The following BTBD9 variants were observed in gnomAD, a reference collection of about 807,000 sequenced individuals.
The protein encoded by BTBD9 is BTB domain containing 9.
BTBD9 carries 49 observed loss-of-function variants against 64.3 expected under a neutral mutation model. The observed-to-expected ratio is 0.76, with a 90% CI of 0.61 to 0.97. The LOEUF (loss-of-function observed/expected upper bound fraction) is 0.97, where lower values mean the gene tolerates loss of function less well. Among genes scored for constraint, BTBD9 ranks in the 50% least tolerant of loss-of-function variants. BTBD9 has a pLI of 0.00. For synonymous variants in BTBD9, 260 were observed against 274.7 expected (o/e 0.95, Z 0.53); for missense variants, 598 against 762.1 (o/e 0.78, Z 2.53).
intron 9 of BTBD9, among the ~76,000 whole-genome samples, chr6:38,235,259 C>T (rs142447987): frequency 4.6e-5 from 7 of 152,302 alleles, no homozygotes; most frequent in African/African-American, 1.2e-4. Flanking sequence ...GGTCTGCATA[C>T]GTTTCCTGCA....
rs1226708846 is a variant in BTBD9 at position 38,173,388 on chromosome 6, G to A, written c.*1597C>T. The A allele has an allele frequency of 6.6e-6, 1 of 152,252 alleles. No homozygotes were observed. Among genetic ancestry groups the A allele is most frequent in the Non-Finnish European group, 1.5e-5 (1 of 68,070 alleles). The allele number at this position is 152,252 out of a possible 1,614,324, so 9.4% of individuals were successfully genotyped here. On this transcript the variant is annotated 3_prime_UTR_variant, in exon 11 of 11. Coordinates refer to ENST00000481247, the MANE Select transcript of BTBD9 (RefSeq NM_001099272.2). ...TAGGAAGCAGCTCAGCCCTGCAGCT[G>A]GAGCTACCGGGGAGGATGGAGAGCT...
chr6:38,399,771 GAC>G (rs1766843586), intron 6 of BTBD9, among the ~76,000 whole-genome samples: 1 of 151,868 alleles, frequency 6.6e-6, no homozygotes, highest in African/African-American at 2.4e-5. Context: ...TTTTTCTTGA[GAC>G]AGAATTTCAC....
chr6:38,554,274 C>G (rs1439223599), intron 6 of BTBD9, among the ~76,000 whole-genome samples: 1 of 152,162 alleles, frequency 6.6e-6, no homozygotes, highest in Non-Finnish European at 1.5e-5. Flanking sequence ...CTATAGACAG[C>G]CACACAAATC....
At chr6:38,577,860 A>C (rs1488172455) in intron 5 of BTBD9, 141 bp from the exon 6 acceptor site, 4 of 776,508 alleles carry the variant, frequency 5.2e-6, no homozygotes, top group Non-Finnish European at 8.1e-6. Flanking sequence ...TCTAATAACA[A>C]AAGAATGTTA....
intron 6 of BTBD9, among the ~76,000 whole-genome samples, chr6:38,460,863 T>TGG (rs1340277554): frequency 6.6e-6 from 1 of 152,216 alleles, no homozygotes; most frequent in Non-Finnish European, 1.5e-5. Context: ...CCTCAGGTGA[T>TGG]CCGCCCACCT....
intron 9 of BTBD9, among the ~76,000 whole-genome samples, chr6:38,211,710 C>T (rs764627731): frequency 6.6e-6 from 1 of 150,650 alleles, no homozygotes; most frequent in Non-Finnish European, 1.5e-5. Flanking sequence ...AGCCACTGCC[C>T]TCCAGCCTGG....
chr6:38,515,024 T>C (rs1313472081), intron 6 of BTBD9, among the ~76,000 whole-genome samples: 1 of 152,226 alleles, frequency 6.6e-6, no homozygotes, highest in African/African-American at 2.4e-5. Context: ...TAGACCTACT[T>C]ATGTGGATAT....
At chr6:38,320,471 T>C (rs1763191792) in intron 7 of BTBD9, among the ~76,000 whole-genome samples, 1 of 152,196 alleles carries the variant, frequency 6.6e-6, no homozygotes, top group African/African-American at 2.4e-5. Flanking sequence ...TACATATTAA[T>C]TATGCGGGAG....
At chr6:38,484,486 T>C (rs1170245182) in intron 6 of BTBD9, among the ~76,000 whole-genome samples, 1 of 152,210 alleles carries the variant, frequency 6.6e-6, no homozygotes, top group Non-Finnish European at 1.5e-5. Context: ...ACAGTAATCC[T>C]TTATCAACTG....
chr6:38,598,023 T>C lies in BTBD9; in HGVS notation c.72A>G (p.Glu24=). The C allele has an allele frequency of 1.2e-6, 2 of 1,613,968 alleles. No individual in the cohort carries two copies. Among genetic ancestry groups the C allele is most frequent in the Non-Finnish European group, 1.7e-6 (2 of 1,179,872 alleles). ...CCCCAATCAACAAGGCACCAATATG[T>C]TCAGACAAAATGTGCACATGATCAA... is the stretch of plus-strand genomic sequence containing the variant. ...GEIDHVHILS[E]HIGALLIGEE... is the part of the protein sequence containing the mutation. Residue 24 remains glutamate, a synonymous_variant, in exon 2 of 11, where the codon GAA becomes GAG. Coordinates refer to ENST00000481247, the MANE Select transcript of BTBD9 (RefSeq NM_001099272.2).
chr6:38,260,674 T>C (rs1258135496), intron 8 of BTBD9, among the ~76,000 whole-genome samples: 1 of 152,244 alleles, frequency 6.6e-6, no homozygotes, highest in Non-Finnish European at 1.5e-5. Context: ...TCCTCCAATT[T>C]GTTTCAAGGC....
intron 6 of BTBD9, among the ~76,000 whole-genome samples, chr6:38,418,321 C>T (rs895511566): frequency 1.3e-5 from 2 of 152,180 alleles, no homozygotes; most frequent in Non-Finnish European, 2.9e-5. Context: ...GTATGTAAGG[C>T]TATCCTTTCA....
chr6:38,451,261 G>A (rs1005581094), intron 6 of BTBD9, among the ~76,000 whole-genome samples: 1 of 152,136 alleles, frequency 6.6e-6, no homozygotes, highest in Non-Finnish European at 1.5e-5. Flanking sequence ...CACATACTGT[G>A]TTATAAACAT....
At chr6:38,585,369 G>C (rs10947751) in intron 4 of BTBD9, among the ~76,000 whole-genome samples, 105,833 of 151,662 alleles carry the variant, frequency 0.7, 38,175 homozygotes, top group African/African-American at 0.9. Context: ...AGTGTGGTGG[G>C]ATGATTATAG....
At chr6:38,570,598 C>A (rs918104276) in intron 6 of BTBD9, among the ~76,000 whole-genome samples, 1 of 152,134 alleles carries the variant, frequency 6.6e-6, no homozygotes, top group Non-Finnish European at 1.5e-5. Context: ...ATTCCTTTTA[C>A]ATATTTAGAG....
chr6:38,580,496 G>A, intron 4 of BTBD9, 59 bp from the exon 5 acceptor site: 2 of 1,409,214 alleles, frequency 1.4e-6, no homozygotes, highest in Middle Eastern at 1.9e-4. Flanking sequence ...TGTATTTTTT[G>A]AAAAAAATAC....
At position 38,322,937 on chromosome 6, in the gene BTBD9, T is replaced by C. The variant is rs552267458; in HGVS notation, c.1264+22047A>G. On this transcript the variant is annotated intron_variant, in intron 7 of 10. Coordinates refer to ENST00000481247, the MANE Select transcript of BTBD9 (RefSeq NM_001099272.2). ...TTCACGTACTATATCCTCAAGACAA[T>C]TGAAAAATAAAAATAACATGATATG... Among the ~76,000 whole-genome samples the C allele has an allele frequency of 6.6e-5, 10 of 152,244 alleles. No individual in the cohort carries two copies. The South Asian group carries it at 2.1e-3, about 32-fold the overall frequency.
At chr6:38,639,446 G>A (rs1778647578) in intron 1 of BTBD9, among the ~76,000 whole-genome samples, 1 of 152,082 alleles carries the variant, frequency 6.6e-6, no homozygotes, top group African/African-American at 2.4e-5. Flanking sequence ...CCCGGGTTTC[G>A]CCTCCTCAGT....
At chr6:38,487,592 CGAGAGAGAGAGA>C (rs70981555) in intron 6 of BTBD9, among the ~76,000 whole-genome samples, 10 of 122,834 alleles carry the variant, frequency 8.1e-5, no homozygotes, top group Admixed American at 3.4e-4. Flanking sequence ...AGAGAGTCAG[CGAGAGAGAGAGA>C]GAGAGAGAGA....
Sources: gnomAD v4.1 joint callset for allele counts (sites outside exome capture counted in the v4.1 genomes callset) on GRCh38, gnomAD v4.1.1 for gene constraint, MANE v1.5 for transcripts, NCBI Gene and HGNC (gene_info 2026-07-23, HGNC 2026-07-21) for gene names.